The following DST variants were observed in gnomAD, a reference collection of about 807,000 sequenced individuals.
The protein encoded by DST is dystonin.
In DST, 253 loss-of-function variants were observed where a neutral mutation model predicts 875.2. The observed-to-expected ratio is 0.29, with a 90% confidence interval of 0.26 to 0.32. DST has a LOEUF of 0.32. Among genes scored for constraint, DST ranks in the 10% least tolerant of loss-of-function variants. The pLI is 1.00. For missense variants in DST, 8,287 were observed against 9,111.6 expected, an observed-to-expected ratio of 0.91 and a Z score of 3.68; for synonymous variants, 3,124 against 3,197.1, an observed-to-expected ratio of 0.98 and a Z score of 0.77.
In DST at chr6:56,527,616, C is replaced by G. The variant is rs1362260284; in HGVS notation, c.17799G>C (p.Arg5933Ser). ...KTLEQALQLARRLHSTHEELC... is the reference protein window; with the variant it reads ...KTLEQALQLASRLHSTHEELC... Reference sequence around the variant, plus strand: ...GCTCTTCGTGTGTGGAGTGCAGCCGCCTTGCAAGCTGCAGCGCCTGTTCCA... The same window carrying G: ...GCTCTTCGTGTGTGGAGTGCAGCCGGCTTGCAAGCTGCAGCGCCTGTTCCA... The change falls in exon 68 of 104, where the codon AGG (arginine) becomes AGC (serine). Residue 5933 changes from arginine (R) to serine (S), a missense_variant. Arg to Ser is a moderately radical substitution (Grantham distance 110). Coordinates refer to ENST00000680361, the MANE Select transcript of DST (RefSeq NM_001374736.1). 1 of 1,613,832 alleles carries G rather than the reference C, an allele frequency of 6.2e-7. No homozygotes were observed. Among genetic ancestry groups the G allele is most frequent in the East Asian group, 2.2e-5 (1 of 44,882 alleles).
chr6:56,682,432 CA>C, intron 9 of DST, among the ~76,000 whole-genome samples: 1 of 151,538 alleles, frequency 6.6e-6, no homozygotes. Context: ...TACCAACAAC[CA>C]AAAAACCCTC....
rs537585034 is a variant in DST, at chr6:56,504,096, C to T, written c.19467G>A (p.Ala6489=). The part of the protein sequence containing the change: ...AAVQYQDGLQ[A]VFDWVDIAGG... ...CTGCAATATCTACCCAGTCAAATACCGCCTGAAAGACACATTCGCCCACGT... is the reference window on the plus strand; with the variant it reads ...CTGCAATATCTACCCAGTCAAATACTGCCTGAAAGACACATTCGCCCACGT... Residue 6489 remains alanine (A), a splice_region_variant and synonymous_variant, in exon 78 of 104, where the codon GCG becomes GCA. Transcript: ENST00000680361. 6.5e-5 allele frequency: 104 copies of T among 1,604,522 alleles called. No homozygotes were observed. The highest frequency in any genetic ancestry group is 8.7e-5 in the Non-Finnish European group (102 of 1,175,308).
chr6:56,756,023 T>C (rs2099601913), intron 4 of DST, among the ~76,000 whole-genome samples: 1 of 152,150 alleles, frequency 6.6e-6, no homozygotes, highest in Non-Finnish European at 1.5e-5. Context: ...AAGGAGGATA[T>C]GATATAGTAT....
Position 56,482,070 on chromosome 6 carries a change from T to C in DST, c.21511A>G (p.Thr7171Ala). Residue 7171 changes from threonine to alanine, a missense_variant, in exon 90 of 104, where the codon ACT becomes GCT. By Grantham distance (58) the Thr-to-Ala change is moderately conservative (BLOSUM62 0). Coordinates refer to ENST00000680361, the MANE Select transcript of DST (RefSeq NM_001374736.1). The part of the protein sequence containing the change: ...VLPDDEDALR[T>A]LIDQHKEFMK... Reference sequence around the variant, plus strand: ...CTCACTTTATGCTGATCAATGAGAGTCCGGAGAGCATCCTCATCATCTGGG... The same window carrying C: ...CTCACTTTATGCTGATCAATGAGAGCCCGGAGAGCATCCTCATCATCTGGG... The C allele has an allele frequency of 6.2e-7, 1 of 1,613,576 alleles. No individual in the cohort carries two copies. The highest frequency in any genetic ancestry group is 1.1e-5 in the South Asian group (1 of 91,022).
intron 2 of DST, among the ~76,000 whole-genome samples, chr6:56,910,917 T>A (rs1187356929): frequency 6.6e-6 from 1 of 152,238 alleles, no homozygotes; most frequent in Non-Finnish European, 1.5e-5. Flanking sequence ...AGAGCCTTAA[T>A]GTTTTCTAAA....
intron 36 of DST, chr6:56,620,238 A>T (rs1173676436): frequency 6.2e-7 from 1 of 1,613,920 alleles, no homozygotes; most frequent in Non-Finnish European, 8.5e-7. Context: ...TGTTGCTCCA[A>T]ATCATTGAGA....
At chr6:56,539,022 G>A (rs778453419) in intron 61 of DST, among the ~76,000 whole-genome samples, 16 of 152,066 alleles carry the variant, frequency 1.1e-4, no homozygotes, top group Non-Finnish European at 1.8e-4. Flanking sequence ...AAGTGGGGGC[G>A]GAGGGTGGGG....
intron 5 of DST, among the ~76,000 whole-genome samples, chr6:56,721,507 C>G (rs1283099649): frequency 6.6e-6 from 1 of 152,202 alleles, no homozygotes; most frequent in African/African-American, 2.4e-5. Context: ...ATTTGGGGAA[C>G]TAATAAATGT....
At position 56,485,483 on chromosome 6, in the gene DST, G is replaced by A. The variant is rs1351516272; in HGVS notation, c.21048-12C>T. On this transcript the variant is annotated splice_polypyrimidine_tract_variant and intron_variant, in intron 87 of 103. Coordinates refer to ENST00000680361, the MANE Select transcript of DST (RefSeq NM_001374736.1). The stretch of plus-strand genomic sequence containing the variant: ...CCAATTTGTTTTGTCTAGGGAAAAA[G>A]GTAGAAAAATTGATCCTTGCAACAA... 1.2e-6 allele frequency: 2 copies of A among 1,609,412 alleles called. No homozygotes were observed. Among genetic ancestry groups the A allele is most frequent in the African/African-American group, 2.7e-5 (2 of 74,740 alleles).
chr6:56,778,734 T>C (rs56368885), intron 4 of DST, among the ~76,000 whole-genome samples: 19,112 of 151,986 alleles, frequency 0.13, 1,670 homozygotes, highest in Middle Eastern at 0.2. Flanking sequence ...TATGGCTGTA[T>C]AGTATTCCAT....
intron 55 of DST, among the ~76,000 whole-genome samples, chr6:56,563,901 T>C (rs982162062): frequency 1.3e-5 from 2 of 152,238 alleles, no homozygotes; most frequent in African/African-American, 4.8e-5. Flanking sequence ...TGTGGTGTTA[T>C]TTCTGAGGCC....
intron 89 of DST, 112 bp from the exon 90 acceptor site, chr6:56,482,290 T>G (rs1293021039): frequency 8.2e-7 from 1 of 1,222,326 alleles, no homozygotes; most frequent in African/African-American, 1.5e-5. Context: ...AAAAAAGTTT[T>G]AAATTTAATT....
chr6:56,634,813 G>A lies in DST; in HGVS notation c.3327C>T (p.Tyr1109=), dbSNP rs764731662. Residue 1109 remains tyrosine (Y), a synonymous_variant, in exon 25 of 104, where the codon TAC becomes TAT. Transcript: ENST00000680361. The part of the protein sequence containing the change: ...TSIPIKAICD[Y]RQIEITIYKD... ...GAGTTACAAGTACCTCAATTTGTCT[G>A]TAGTCACAGATAGCTTTGATCGGAA... The A allele has an allele frequency of 1.9e-6, 3 of 1,613,902 alleles. No individual in the cohort carries two copies. Among genetic ancestry groups the A allele is most frequent in the Non-Finnish European group, 2.5e-6 (3 of 1,179,976 alleles).
At chr6:56,870,248 A>T (rs960740904) in intron 3 of DST, among the ~76,000 whole-genome samples, 5 of 152,008 alleles carry the variant, frequency 3.3e-5, no homozygotes, top group Admixed American at 3.3e-4. Flanking sequence ...GAGCTCACTA[A>T]AATGCTAATT....
chr6:56,658,976 G>C (rs2099024696), intron 10 of DST, among the ~76,000 whole-genome samples: 1 of 152,196 alleles, frequency 6.6e-6, no homozygotes, highest in African/African-American at 2.4e-5. Context: ...GTGTGGCAAA[G>C]GGCCAAGACA....
chr6:56,496,453 A>C (rs2152449683), intron 82 of DST, among the ~76,000 whole-genome samples: 1 of 151,896 alleles, frequency 6.6e-6, no homozygotes, highest in Middle Eastern at 3.4e-3. Context: ...AAGCTCTATC[A>C]CCATTAAAAC....
intron 93 of DST, among the ~76,000 whole-genome samples, chr6:56,473,619 A>G (rs1458850806): frequency 6.6e-6 from 1 of 152,184 alleles, no homozygotes; most frequent in Non-Finnish European, 1.5e-5. Flanking sequence ...AAATTTTTTC[A>G]ATTTTCTTCT....
chr6:56,604,153 A>G lies in DST; in HGVS notation c.10475T>C (p.Ile3492Thr), dbSNP rs1373831636. 1 of 1,590,350 alleles carries G rather than the reference A, an allele frequency of 6.3e-7. No homozygotes were observed. Among genetic ancestry groups the G allele is most frequent in the Non-Finnish European group, 8.6e-7 (1 of 1,166,570 alleles). The stretch of plus-strand genomic sequence containing the variant: ...TCCATCAGCAAGCAGTTTGTAGAAA[A>G]TATTTTCAAGCTGCAGTGGAAGTAC... ...SKVLPLQLENIFYKLLADGYS... is the reference protein window; with the variant it reads ...SKVLPLQLENTFYKLLADGYS... The change falls in exon 40 of 104, where the codon ATT becomes ACT. Residue 3492 changes from isoleucine (I) to threonine (T), a missense_variant. By Grantham distance (89) the Ile-to-Thr change is moderately conservative. Around this residue, in one of 10 missense-constraint regions of DST, gnomAD observed 3,138 missense variants for 3,116.6 expected, o/e 1.01. Coordinates refer to ENST00000680361, the MANE Select transcript of DST (RefSeq NM_001374736.1).
At position 56,651,240 on chromosome 6, in the gene DST, C is replaced by A; in HGVS notation, c.1219G>T (p.Asp407Tyr). The change falls in exon 11 of 104, where the codon GAC (aspartate) becomes TAC (tyrosine). Residue 407 changes from aspartate (D) to tyrosine (Y), a missense_variant. Transcript: ENST00000680361. ...FNAIIHKYRP[D>Y]LIDMNTVAVQ... ...GCAACAGTATTCATATCTATCAGGTCCGGCCTAGGAAAAAATTCACTGTGT... is the reference window on the plus strand; with the variant it reads ...GCAACAGTATTCATATCTATCAGGTACGGCCTAGGAAAAAATTCACTGTGT... 6.3e-7 allele frequency: 1 copy of A among 1,590,218 alleles called. No homozygotes were observed. The highest frequency in any genetic ancestry group is 8.6e-7 in the Non-Finnish European group (1 of 1,166,000).
Sources: gnomAD v4.1 joint callset for allele counts (sites outside exome capture counted in the v4.1 genomes callset) on GRCh38, gnomAD v4.1.1 for gene constraint, gnomAD v4.1.1 regional missense constraint, MANE v1.5 for transcripts, NCBI Gene and HGNC (gene_info 2026-07-23, HGNC 2026-07-21) for gene names.